The following NXPH1 variants were observed in gnomAD, a reference collection of about 807,000 sequenced individuals.
NXPH1 encodes the protein neurexophilin 1.
Under a neutral mutation model 23.7 loss-of-function variants are expected in NXPH1, and 5 were observed. The observed-to-expected ratio is 0.21, with a 90% CI of 0.11 to 0.44. The LOEUF is 0.44. Among genes scored for constraint, NXPH1 ranks in the 20% least tolerant of loss-of-function variants. The pLI is 0.99. For missense variants in NXPH1, 324 were observed against 321.6 expected, an observed-to-expected ratio of 1.01 and a Z score of -0.06; for synonymous variants, 144 against 122.2, an observed-to-expected ratio of 1.18 and a Z score of -1.18.
In NXPH1 at chr7:8,460,039, CT is replaced by C. The variant is rs1816666370; in HGVS notation, c.54+24274del. 2.0e-5 allele frequency among the ~76,000 whole-genome samples: 3 copies of C among 152,132 alleles called. No homozygotes were observed. In the South Asian group the frequency reaches 6.2e-4, roughly 32 times the overall value. On this transcript the variant is annotated intron_variant, in intron 2 of 2. Coordinates refer to ENST00000405863, the MANE Select transcript of NXPH1 (RefSeq NM_152745.3). ...GACCTTCCTTGTTTCCATGTTAGGT[CT>C]TCTGTTAGTTTTGTTCAGATGAGTA...
intron 2 of NXPH1, among the ~76,000 whole-genome samples, chr7:8,522,328 C>T (rs1384189669): frequency 6.6e-6 from 1 of 152,160 alleles, no homozygotes; most frequent in East Asian, 1.9e-4. Context: ...GCAGTGTTGA[C>T]AATGCAGGCA....
chr7:8,744,610 C>G (rs1428109573), intron 2 of NXPH1, among the ~76,000 whole-genome samples: 3 of 152,188 alleles, frequency 2.0e-5, no homozygotes, highest in African/African-American at 7.2e-5. Flanking sequence ...TCTCATGTCT[C>G]CAGACCTTCA....
chr7:8,603,013 G>A (rs543216933), intron 2 of NXPH1, among the ~76,000 whole-genome samples: 1 of 152,288 alleles, frequency 6.6e-6, no homozygotes, highest in East Asian at 1.9e-4. Context: ...GTTTTACCAT[G>A]TCGGTCAGGT....
intron 2 of NXPH1, among the ~76,000 whole-genome samples, chr7:8,550,675 A>C (rs1410603675): frequency 6.6e-6 from 1 of 151,610 alleles, no homozygotes; most frequent in African/African-American, 2.4e-5. Flanking sequence ...CCATTCAGAA[A>C]CTATCAGTTA....
intron 2 of NXPH1, among the ~76,000 whole-genome samples, chr7:8,610,803 A>G (rs1430848716): frequency 6.6e-6 from 1 of 152,076 alleles, no homozygotes; most frequent in Non-Finnish European, 1.5e-5. Context: ...CCATAGTACA[A>G]TCAACACACT....
chr7:8,568,829 C>T (rs1294081858), intron 2 of NXPH1, among the ~76,000 whole-genome samples: 2 of 151,782 alleles, frequency 1.3e-5, no homozygotes, highest in African/African-American at 2.4e-5. Flanking sequence ...AGACTTTTAT[C>T]TGCCTCCAAG....
chr7:8,580,585 C>G (rs776610975), intron 2 of NXPH1, among the ~76,000 whole-genome samples: 2 of 152,052 alleles, frequency 1.3e-5, no homozygotes, highest in Non-Finnish European at 2.9e-5. Flanking sequence ...GTTTCAATGT[C>G]TGAAGAAAAA....
chr7:8,581,574 C>T (rs1032329819), intron 2 of NXPH1, among the ~76,000 whole-genome samples: 1 of 152,192 alleles, frequency 6.6e-6, no homozygotes, highest in Non-Finnish European at 1.5e-5. Context: ...CCTCCAACAT[C>T]AGGGATTACA....
At chr7:8,687,669 A>G (rs1323037996) in intron 2 of NXPH1, among the ~76,000 whole-genome samples, 1 of 152,146 alleles carries the variant, frequency 6.6e-6, no homozygotes, top group African/African-American at 2.4e-5. Flanking sequence ...TAATTTTCTC[A>G]TTTGAGAAAT....
chr7:8,731,160 T>C (rs895872771), intron 2 of NXPH1, among the ~76,000 whole-genome samples: 11 of 152,208 alleles, frequency 7.2e-5, no homozygotes, highest in South Asian at 6.2e-4. Flanking sequence ...GCATTCTTCA[T>C]GTAGTTCTCG....
At chr7:8,472,018 T>C (rs1348652564) in intron 2 of NXPH1, among the ~76,000 whole-genome samples, 1 of 151,646 alleles carries the variant, frequency 6.6e-6, no homozygotes, top group East Asian at 1.9e-4. Context: ...TAAATAATAT[T>C]ATTTTATCAT....
In NXPH1 at chr7:8,485,382, G is replaced by A. The variant is rs991475410; in HGVS notation, c.54+49615G>A. The stretch of plus-strand genomic sequence containing the variant: ...TTGGGTATGTCTTTATTAGCAGCAC[G>A]AGAACAGACTAATACACCAAGCCGA... On this transcript the variant is annotated intron_variant, in intron 2 of 2. Coordinates refer to ENST00000405863, the MANE Select transcript of NXPH1 (RefSeq NM_152745.3). Among the ~76,000 whole-genome samples the A allele has an allele frequency of 3.3e-5, 5 of 152,014 alleles. No individual in the cohort carries two copies. The South Asian group carries it at 6.2e-4, about 19-fold the overall frequency.
chr7:8,561,392 CTCTT>C (rs1249391698), intron 2 of NXPH1, among the ~76,000 whole-genome samples: 1 of 94,684 alleles, frequency 1.1e-5, no homozygotes, highest in Non-Finnish European at 2.4e-5. Flanking sequence ...ACCTCTCTCT[CTCTT>C]TTTCTCTTTC....
intron 2 of NXPH1, among the ~76,000 whole-genome samples, chr7:8,516,362 A>G (rs575104803): frequency 6.6e-6 from 1 of 152,166 alleles, no homozygotes; most frequent in Non-Finnish European, 1.5e-5. Flanking sequence ...TCATCAATCA[A>G]TAAGAAACCA....
At chr7:8,640,703 G>T (rs1319180941) in intron 2 of NXPH1, among the ~76,000 whole-genome samples, 1 of 152,134 alleles carries the variant, frequency 6.6e-6, no homozygotes, top group African/African-American at 2.4e-5. Context: ...CACCTGTAAT[G>T]TTAGCACTTT....
chr7:8,706,240 C>A (rs1229227897), intron 2 of NXPH1, among the ~76,000 whole-genome samples: 2 of 152,134 alleles, frequency 1.3e-5, no homozygotes, highest in Non-Finnish European at 2.9e-5. Flanking sequence ...AGTAACCGTG[C>A]AATTTTAGCT....
chr7:8,548,312 G>T (rs1241629431), intron 2 of NXPH1, among the ~76,000 whole-genome samples: 1 of 151,460 alleles, frequency 6.6e-6, no homozygotes, highest in Non-Finnish European at 1.5e-5. Context: ...GTTGGACATC[G>T]CCCTGGTTTC....
chr7:8,512,984 A>G (rs765855), intron 2 of NXPH1, among the ~76,000 whole-genome samples: 106,534 of 152,002 alleles, frequency 0.7, 37,534 homozygotes, highest in African/African-American at 0.77. Context: ...AGGAAGATGA[A>G]GCTATACAGT....
At chr7:8,554,954 G>A (rs1562400675) in intron 2 of NXPH1, among the ~76,000 whole-genome samples, 1 of 151,640 alleles carries the variant, frequency 6.6e-6, no homozygotes, top group Non-Finnish European at 1.5e-5. Context: ...TGAATCACAG[G>A]GGTGTTAAAT....
Sources: gnomAD v4.1 joint callset for allele counts (sites outside exome capture counted in the v4.1 genomes callset) on GRCh38, gnomAD v4.1.1 for gene constraint, MANE v1.5 for transcripts, NCBI Gene and HGNC (gene_info 2026-07-23, HGNC 2026-07-21) for gene names.